The following UBN2 variants were observed in gnomAD, a reference collection of about 807,000 sequenced individuals.
The protein encoded by UBN2 is ubinuclein-2.
In UBN2, 35 loss-of-function variants were observed where a neutral mutation model predicts 120.2. The ratio of observed to expected loss-of-function variants is 0.29; its 90% CI spans 0.22 to 0.39. The LOEUF (loss-of-function observed/expected upper bound fraction) is 0.39, where lower values mean the gene tolerates loss of function less well. Among genes scored for constraint, UBN2 ranks in the 10% least tolerant of loss-of-function variants. The pLI is 1.00. For missense variants in UBN2, 1,693 were observed against 1,663.2 expected (o/e 1.02, Z -0.31); for synonymous variants, 661 against 648.7 (o/e 1.02, Z -0.29).
At chr7:139,278,112 T>C (rs542484261) in intron 12 of UBN2, among the ~76,000 whole-genome samples, 1 of 151,776 alleles carries the variant, frequency 6.6e-6, no homozygotes, top group Non-Finnish European at 1.5e-5. Context: ...ACAATTCAGG[T>C]ACAAATAATG....
chr7:139,259,245 T>A, intron 4 of UBN2, 22 bp from the exon 5 acceptor site: 1 of 1,609,064 alleles, frequency 6.2e-7, no homozygotes, highest in Non-Finnish European at 8.5e-7. Flanking sequence ...ACATAAATGA[T>A]CATTCTTTTA....
chr7:139,247,946 C>G (rs764207007), intron 2 of UBN2, among the ~76,000 whole-genome samples: 2 of 152,110 alleles, frequency 1.3e-5, no homozygotes, highest in Non-Finnish European at 2.9e-5. Flanking sequence ...TTTATAATTA[C>G]TGTAGTCATT....
chr7:139,291,181 T>TG (rs1420842010), intron 15 of UBN2, among the ~76,000 whole-genome samples: 1 of 151,442 alleles, frequency 6.6e-6, no homozygotes, highest in Non-Finnish European at 1.5e-5. Context: ...GCCAACATGG[T>TG]GAAACCCCGT....
chr7:139,324,571 A>AG, the UBN2 span, among the ~76,000 whole-genome samples: 17 of 137,560 alleles, frequency 1.2e-4, no homozygotes, highest in East Asian at 1.3e-3. Flanking sequence ...AAAAAAAAAA[A>AG]AAAAGAAAAA....
At chr7:139,293,833 C>A in intron 16 of UBN2, 56 bp from the exon 17 acceptor site, 6 of 1,543,290 alleles carry the variant, frequency 3.9e-6, no homozygotes, top group Non-Finnish European at 5.4e-6. Context: ...CATTTTTGAA[C>A]TAAAAGGGCT....
intron 7 of UBN2, among the ~76,000 whole-genome samples, chr7:139,267,536 C>CA (rs1189492166): frequency 0.038 from 3,030 of 79,746 alleles, 88 homozygotes; most frequent in African/African-American, 0.12. Flanking sequence ...ACTCTGTCTC[C>CA]AAAAAAAAAA....
downstream of UBN2, among the ~76,000 whole-genome samples, chr7:139,311,033 T>C (rs1798441084): frequency 6.6e-6 from 1 of 152,208 alleles, no homozygotes; most frequent in African/African-American, 2.4e-5. Context: ...CAATAAATGA[T>C]CTAACTAGAT....
Position 139,231,593 on chromosome 7 carries a change from C to A in UBN2, c.109C>A (p.Arg37=). The A allele has an allele frequency of 7.2e-7, 1 of 1,387,794 alleles. No homozygotes were observed. The allele number at this position is 1,387,794 out of a possible 1,614,324, so 86.0% of individuals were successfully genotyped here. A position where few individuals can be genotyped will look rare whatever the true frequency, so the allele number is the denominator to read the frequency against. ...REPEYPREPP[R]LEPQPYREPA... is the part of the protein sequence containing the mutation. ...GCCCGAGTACCCCCGCGAGCCCCCC[C>A]GGCTGGAGCCGCAGCCGTACCGCGA... Residue 37 remains arginine, a synonymous_variant, in exon 1 of 18, where the codon CGG becomes AGG. Coordinates refer to ENST00000473989, the MANE Select transcript of UBN2 (RefSeq NM_173569.4).
chr7:139,301,848 T>G lies in UBN2; in HGVS notation c.*4012T>G, dbSNP rs1388581170. The G allele has an allele frequency of 6.6e-6, 1 of 152,220 alleles. No individual in the cohort carries two copies. The highest frequency in any genetic ancestry group is 6.5e-5 in the Admixed American group (1 of 15,280). 9.4% of individuals were successfully genotyped at this position (152,220 alleles called of 1,614,324 possible). ...GTTCTCAAAAGAGGCACTTTTACTT[T>G]CTATTGTGCATGTATGATTGTTGTT... On this transcript the variant is annotated 3_prime_UTR_variant, in exon 18 of 18. Transcript: ENST00000473989.
intron 8 of UBN2, among the ~76,000 whole-genome samples, chr7:139,270,654 T>C (rs1319922000): frequency 6.6e-6 from 1 of 152,214 alleles, no homozygotes; most frequent in East Asian, 1.9e-4. Flanking sequence ...TTACTACTTA[T>C]GGATATTTGG....
At position 139,262,134 on chromosome 7, in the gene UBN2, C is replaced by T. The variant is rs548344056; in HGVS notation, c.1395+393C>T. On this transcript the variant is annotated intron_variant, in intron 6 of 17. Transcript: ENST00000473989. The stretch of plus-strand genomic sequence containing the variant: ...TTTATTTTGAGACAAAGCCTTGCTC[C>T]GTCGTCACACAGGCTGGAGTGCAGT... Among the ~76,000 whole-genome samples, 102 of 151,710 alleles carry T rather than the reference C, an allele frequency of 6.7e-4. No homozygotes were observed. In the East Asian group the frequency reaches 0.018, roughly 27 times the overall value.
At chr7:139,275,928 A>G (rs1797429910) in intron 11 of UBN2, among the ~76,000 whole-genome samples, 169 bp from the exon 12 acceptor site, 2 of 152,222 alleles carry the variant, frequency 1.3e-5, no homozygotes, top group Non-Finnish European at 2.9e-5. Flanking sequence ...TGAGCTATGA[A>G]TAAAACTCTC....
chr7:139,241,551 G>C (rs956914338), intron 2 of UBN2, among the ~76,000 whole-genome samples: 3 of 152,174 alleles, frequency 2.0e-5, no homozygotes, highest in Admixed American at 2.0e-4. Context: ...AAAAAGAAGG[G>C]TAAGGGTAGA....
intron 3 of UBN2, among the ~76,000 whole-genome samples, chr7:139,254,667 G>A (rs1301811158): frequency 6.6e-6 from 1 of 152,224 alleles, no homozygotes; most frequent in African/African-American, 2.4e-5. Context: ...CAAAGCATCA[G>A]TAGAAGTGTT....
Position 139,305,766 on chromosome 7 carries a change from C to T in UBN2, c.*7930C>T, listed in dbSNP as rs911007304. ...TAGAGGTGTTCTTTTTTTTCCTCTT[C>T]TCCTTTGTATTAAAAAATAGATTTT... is the stretch of plus-strand genomic sequence containing the variant. On this transcript the variant is annotated 3_prime_UTR_variant, in exon 18 of 18. Coordinates refer to ENST00000473989, the MANE Select transcript of UBN2 (RefSeq NM_173569.4). The T allele has an allele frequency of 9.9e-5, 15 of 151,918 alleles. No individual in the cohort carries two copies. The highest frequency in any genetic ancestry group is 3.6e-4 in the African/African-American group (15 of 41,390). The allele number at this position is 151,918 out of a possible 1,614,324, so 9.4% of individuals were successfully genotyped here.
chr7:139,260,570 A>C (rs1169822728), intron 5 of UBN2, among the ~76,000 whole-genome samples: 1 of 152,132 alleles, frequency 6.6e-6, no homozygotes, highest in Non-Finnish European at 1.5e-5. Flanking sequence ...GAGAGGCTGA[A>C]TTTTCTTACT....
chr7:139,293,431 C>T lies in UBN2; in HGVS notation c.3869C>T (p.Thr1290Ile), dbSNP rs1798020332. 2.5e-6 allele frequency: 4 copies of T among 1,614,034 alleles called. No homozygotes were observed. The highest frequency in any genetic ancestry group is 3.4e-6 in the Non-Finnish European group (4 of 1,180,012). The part of the protein sequence containing the change: ...TAGVTTTSGS[T>I]SAAFHHSLTQ... ...GGAGTGACAACCACCTCGGGATCTACCTCAGCCGCTTTCCACCATAGCCTA... is the reference window on the plus strand; with the variant it reads ...GGAGTGACAACCACCTCGGGATCTATCTCAGCCGCTTTCCACCATAGCCTA... The change falls in exon 16 of 18, where the codon ACC becomes ATC. Residue 1290 changes from threonine to isoleucine, a missense_variant. Coordinates refer to ENST00000473989, the MANE Select transcript of UBN2 (RefSeq NM_173569.4).
At chr7:139,278,923 C>G (rs1287166625) in intron 12 of UBN2, among the ~76,000 whole-genome samples, 5 of 151,718 alleles carry the variant, frequency 3.3e-5, no homozygotes, top group Non-Finnish European at 7.4e-5. Flanking sequence ...TGAATTTTTA[C>G]ATTACAAAAA....
chr7:139,275,984 T>A, intron 11 of UBN2, 113 bp from the exon 12 acceptor site: 1 of 788,900 alleles, frequency 1.3e-6, no homozygotes, highest in Non-Finnish European at 2.1e-6. Flanking sequence ...AACTTTTACT[T>A]GGTAAATAAG....
Sources: allele counts gnomAD v4.1 joint callset (sites outside exome capture counted in the v4.1 genomes callset), GRCh38; gene constraint gnomAD v4.1.1; transcripts MANE v1.5; gene names NCBI Gene and HGNC (gene_info 2026-07-23, HGNC 2026-07-21).